The following SLCO1A2 variants were observed in gnomAD, a reference collection of about 807,000 sequenced individuals.
The protein encoded by SLCO1A2 is solute carrier organic anion transporter family member 1A2.
In SLCO1A2, 67 loss-of-function variants were observed where a neutral mutation model predicts 69.0. The ratio of observed to expected loss-of-function variants is 0.97; its 90% CI spans 0.80 to 1.19. The LOEUF is 1.19. SLCO1A2 is among the 50% of genes most tolerant of loss of function. The pLI is 0.00. For missense variants in SLCO1A2, 787 were observed against 793.7 expected (o/e 0.99, Z 0.10); for synonymous variants, 260 against 265.9 (o/e 0.98, Z 0.22).
At chr12:21,310,340 G>A (rs1016902265) in intron 4 of SLCO1A2, among the ~76,000 whole-genome samples, 1 of 151,960 alleles carries the variant, frequency 6.6e-6, no homozygotes, top group African/African-American at 2.4e-5. Flanking sequence ...CATTATGTCT[G>A]AAACACAATG....
chr12:21,334,326 T>C (rs1469012954), intron 2 of SLCO1A2, among the ~76,000 whole-genome samples: 1 of 152,078 alleles, frequency 6.6e-6, no homozygotes, highest in Non-Finnish European at 1.5e-5. Flanking sequence ...CCACAGTATG[T>C]GTGCCTGGAA....
intron 2 of SLCO1A2, among the ~76,000 whole-genome samples, chr12:21,347,707 A>AAGAAAGAAAGGG (rs1953322742): frequency 1.5e-5 from 1 of 64,616 alleles, no homozygotes; most frequent in African/African-American, 4.5e-5. Flanking sequence ...GAAGAAGGAA[A>AAGAAAGAAAGGG]AAAGGAAGGA....
chr12:21,299,122 C>A (rs907582638), intron 8 of SLCO1A2, among the ~76,000 whole-genome samples: 2 of 152,096 alleles, frequency 1.3e-5, no homozygotes, highest in African/African-American at 4.8e-5. Flanking sequence ...CCCTCACCAT[C>A]CGTCAAATAA....
chr12:21,291,941 G>A (rs1036474200), intron 12 of SLCO1A2, among the ~76,000 whole-genome samples: 16 of 152,054 alleles, frequency 1.1e-4, no homozygotes, highest in African/African-American at 3.9e-4. Flanking sequence ...AAGAAATAAG[G>A]AAGAAAAGTA....
At chr12:21,379,225 C>G (rs1054955703) in intron 1 of SLCO1A2, 2 of 152,182 alleles carry the variant, frequency 1.3e-5, no homozygotes, top group Non-Finnish European at 2.9e-5. Context: ...CTGCTCCTGA[C>G]TCGGTCAAAA....
intron 1 of SLCO1A2, among the ~76,000 whole-genome samples, chr12:21,408,578 C>T (rs1416888774): frequency 6.6e-6 from 1 of 152,116 alleles, no homozygotes; most frequent in Non-Finnish European, 1.5e-5. Context: ...GAAAAGTGTC[C>T]CAGTCCCCTT....
At chr12:21,325,595 C>T (rs1468527450) in intron 2 of SLCO1A2, among the ~76,000 whole-genome samples, 1 of 152,074 alleles carries the variant, frequency 6.6e-6, no homozygotes, top group Non-Finnish European at 1.5e-5. Flanking sequence ...CTTCAATTTC[C>T]CCAATCTGGG....
intron 1 of SLCO1A2, among the ~76,000 whole-genome samples, chr12:21,401,867 G>T (rs1941716253): frequency 6.6e-6 from 1 of 151,428 alleles, no homozygotes; most frequent in African/African-American, 2.4e-5. Flanking sequence ...AAATGAAAAT[G>T]TATTATATGA....
chr12:21,369,126 A>C (rs898659851), intron 2 of SLCO1A2, among the ~76,000 whole-genome samples: 2 of 152,186 alleles, frequency 1.3e-5, no homozygotes, highest in Non-Finnish European at 2.9e-5. Flanking sequence ...AAAATGTAAA[A>C]ATTATTTTTA....
chr12:21,362,653 C>T (rs1389557560), intron 2 of SLCO1A2, among the ~76,000 whole-genome samples: 1 of 151,934 alleles, frequency 6.6e-6, no homozygotes, highest in Non-Finnish European at 1.5e-5. Context: ...TTCAGGAGAC[C>T]CATCTCACAC....
chr12:21,400,028 G>T (rs922207194), upstream of SLCO1A2, among the ~76,000 whole-genome samples: 2 of 151,528 alleles, frequency 1.3e-5, no homozygotes, highest in Non-Finnish European at 3.0e-5. Context: ...TGACAAATGG[G>T]ATCTAATTAA....
At position 21,306,965 on chromosome 12, in the gene SLCO1A2, G is replaced by A. The variant is rs1043936757; in HGVS notation, c.359C>T (p.Ser120Leu). The change falls in exon 5 of 15, where the codon TCA becomes TTA. Residue 120 changes from serine to leucine, a missense_variant. Coordinates refer to ENST00000683939, the MANE Select transcript of SLCO1A2 (RefSeq NM_001386879.1). Reference sequence around the variant, plus strand: ...GTTTGAGGACAAGTTGCCTGAAACTGAAACTGTAGATTCATATTCATATCT... The same window carrying A: ...GTTTGAGGACAAGTTGCCTGAAACTAAAACTGTAGATTCATATTCATATCT... ...MNQYEYESTV[S>L]VSGNLSSNSF... The A allele has an allele frequency of 6.2e-7, 1 of 1,612,768 alleles. No homozygotes were observed. Among genetic ancestry groups the A allele is most frequent in the Non-Finnish European group, 8.5e-7 (1 of 1,178,914 alleles).
At chr12:21,307,032 G>A (rs1456038948) in intron 4 of SLCO1A2, 44 bp from the exon 5 acceptor site, 3 of 1,358,178 alleles carry the variant, frequency 2.2e-6, no homozygotes, top group Middle Eastern at 2.0e-4. Context: ...AGAAAGTAAT[G>A]AGGACAATGT....
chr12:21,278,648 T>C (rs1397585927), intron 12 of SLCO1A2, among the ~76,000 whole-genome samples: 1 of 152,190 alleles, frequency 6.6e-6, no homozygotes, highest in Non-Finnish European at 1.5e-5. Context: ...GGTAACTCTG[T>C]GAGTCTACAT....
upstream of SLCO1A2, among the ~76,000 whole-genome samples, chr12:21,400,387 G>T (rs1279609228): frequency 6.6e-6 from 1 of 151,738 alleles, no homozygotes; most frequent in Non-Finnish European, 1.5e-5. Context: ...ACAGATGCTG[G>T]AGAGGATGTG....
At chr12:21,318,944 A>G in intron 2 of SLCO1A2, 21 bp from the exon 3 acceptor site, 3 of 1,556,506 alleles carry the variant, frequency 1.9e-6, no homozygotes, top group Non-Finnish European at 2.6e-6. Context: ...AATATAAGAA[A>G]ACGTAGAAAA....
chr12:21,404,682 T>C (rs1012414595), intron 1 of SLCO1A2, among the ~76,000 whole-genome samples: 3 of 152,182 alleles, frequency 2.0e-5, no homozygotes, highest in African/African-American at 7.2e-5. Context: ...TTGTGAATAG[T>C]GCTGCAATGA....
At chr12:21,331,316 G>GA (rs1018336233) in intron 2 of SLCO1A2, among the ~76,000 whole-genome samples, 4 of 152,060 alleles carry the variant, frequency 2.6e-5, no homozygotes, top group African/African-American at 9.7e-5. Flanking sequence ...TGGAAGAAAA[G>GA]AAAATGAAAG....
intron 2 of SLCO1A2, chr12:21,319,545 T>C (rs2136788440): frequency 9.0e-7 from 1 of 1,110,300 alleles, no homozygotes; most frequent in South Asian, 1.2e-5. Context: ...CTAAGGCATA[T>C]AAGCCCAGGA....
Sources: gnomAD v4.1 joint callset for allele counts (sites outside exome capture counted in the v4.1 genomes callset) on GRCh38, gnomAD v4.1.1 for gene constraint, MANE v1.5 for transcripts, NCBI Gene and HGNC (gene_info 2026-07-23, HGNC 2026-07-21) for gene names.